Variants in TAFA4 observed in about 807,000 individuals in gnomAD.
TAFA4 encodes the protein TAFA chemokine like family member 4.
Under a neutral mutation model 21.1 loss-of-function variants are expected in TAFA4, and 20 were observed. The ratio of observed to expected loss-of-function variants is 0.95; its 90% CI spans 0.67 to 1.38. TAFA4 has a LOEUF of 1.38. TAFA4 is among the 40% of genes most tolerant of loss of function. The pLI is 0.00. For missense variants in TAFA4, 211 were observed against 180.9 expected, an observed-to-expected ratio of 1.17 and a Z score of -0.95; for synonymous variants, 71 against 67.4, an observed-to-expected ratio of 1.05 and a Z score of -0.26.
At chr3:68,822,186 T>G (rs1489618576) in intron 3 of TAFA4, among the ~76,000 whole-genome samples, 1 of 152,354 alleles carries the variant, frequency 6.6e-6, no homozygotes, top group East Asian at 1.9e-4. Context: ...GGATATAAAC[T>G]GTTATTGAGT....
intron 3 of TAFA4, among the ~76,000 whole-genome samples, chr3:68,875,125 G>C (rs2089531502): frequency 6.6e-6 from 1 of 152,068 alleles, no homozygotes; most frequent in African/African-American, 2.4e-5. Flanking sequence ...CCTTGACAGG[G>C]TGACAACTCT....
intron 3 of TAFA4, among the ~76,000 whole-genome samples, chr3:68,841,194 G>A (rs1182897735): frequency 3.2e-5 from 4 of 124,890 alleles, no homozygotes; most frequent in African/African-American, 8.6e-5. Flanking sequence ...GTAGTGGCGC[G>A]CGCCTGTAGT....
chr3:68,790,097 G>T lies in TAFA4; in HGVS notation c.131-37079C>A, dbSNP rs562529155. Reference sequence around the variant, plus strand: ...TGAAAGCAAAAATTATAACATTTTCGAATAGAGTTTTCAATGTATGTAGAT... The same window carrying T: ...TGAAAGCAAAAATTATAACATTTTCTAATAGAGTTTTCAATGTATGTAGAT... On this transcript the variant is annotated intron_variant, in intron 3 of 5. Transcript: ENST00000295569. Among the ~76,000 whole-genome samples the T allele has an allele frequency of 2.9e-3, 439 of 152,152 alleles. 1 individual carries two copies. The highest frequency in any genetic ancestry group is 0.01 in the African/African-American group (419 of 41,510).
chr3:68,742,445 A>C (rs1021439012), intron 4 of TAFA4, among the ~76,000 whole-genome samples: 1 of 144,036 alleles, frequency 6.9e-6, no homozygotes, highest in African/African-American at 2.5e-5. Context: ...GTGAAGTCAG[A>C]AACTCTAGTT....
At chr3:68,804,141 C>G (rs1430917452) in intron 3 of TAFA4, among the ~76,000 whole-genome samples, 3 of 152,116 alleles carry the variant, frequency 2.0e-5, no homozygotes, top group African/African-American at 7.2e-5. Context: ...GTGTAACCCA[C>G]TGCTCCACGA....
At chr3:68,828,280 C>A (rs1012536140) in intron 3 of TAFA4, among the ~76,000 whole-genome samples, 5 of 152,112 alleles carry the variant, frequency 3.3e-5, no homozygotes, top group African/African-American at 1.2e-4. Context: ...GTTACTGTAG[C>A]CTTGTAGTAT....
rs1702177206 is a variant in TAFA4 at position 68,733,038 on chromosome 3, T to C, written c.*104A>G. ...CTCACATATACAAATATGAAGTTGC[T>C]GAAATCCTAGACAATTTTCTGCAAA... is the stretch of plus-strand genomic sequence containing the variant. On this transcript the variant is annotated 3_prime_UTR_variant, in exon 6 of 6. Coordinates refer to ENST00000295569, the MANE Select transcript of TAFA4 (RefSeq NM_182522.5). The C allele has an allele frequency of 6.6e-7, 1 of 1,505,592 alleles. No individual in the cohort carries two copies. The highest frequency in any genetic ancestry group is 1.4e-5 in the African/African-American group (1 of 72,278). The allele number at this position is 1,505,592 out of a possible 1,614,324, so 93.3% of individuals were successfully genotyped here.
intron 4 of TAFA4, among the ~76,000 whole-genome samples, chr3:68,750,932 T>C (rs1575594790): frequency 6.6e-6 from 1 of 152,112 alleles, no homozygotes; most frequent in East Asian, 1.9e-4. Flanking sequence ...CACATCCCCA[T>C]CCACAAGCTG....
In TAFA4 at chr3:68,749,162, G is replaced by C. The variant is rs565336960; in HGVS notation, c.286+3701C>G. Among the ~76,000 whole-genome samples the C allele has an allele frequency of 1.2e-4, 19 of 152,228 alleles. No individual in the cohort carries two copies. The South Asian group carries it at 3.5e-3, about 28-fold the overall frequency. ...ACTTCAATAACTCAGGGGAGGTTTCGTAAGTTAATTATGATAAAAAAGTTT... is the reference window on the plus strand; with the variant it reads ...ACTTCAATAACTCAGGGGAGGTTTCCTAAGTTAATTATGATAAAAAAGTTT... On this transcript the variant is annotated intron_variant, in intron 4 of 5. Transcript: ENST00000295569.
chr3:68,739,126 T>G lies in TAFA4; in HGVS notation c.360A>C (p.Pro120=), dbSNP rs776037082. Residue 120 remains proline, a synonymous_variant, in exon 5 of 6, where the codon CCA becomes CCC. Transcript: ENST00000295569. ...CLEGEDCKVL[P]DYSGWSCSSG... is the part of the protein sequence containing the mutation. ...TGCTACAGGACCAACCTGAGTAATC[T>G]GGCAGCACTTTACAATCCTCTCCTT... 1.2e-6 allele frequency: 2 copies of G among 1,614,010 alleles called. No individual in the cohort carries two copies. Among genetic ancestry groups the G allele is most frequent in the Non-Finnish European group, 1.7e-6 (2 of 1,179,902 alleles).
chr3:68,837,838 T>C (rs1336737555), intron 3 of TAFA4, among the ~76,000 whole-genome samples: 2 of 152,120 alleles, frequency 1.3e-5, no homozygotes, highest in African/African-American at 4.8e-5. Flanking sequence ...TTTTTTGTTT[T>C]GGTTTGTGTT....
At position 68,761,117 on chromosome 3, in the gene TAFA4, G is replaced by A. The variant is rs78170028; in HGVS notation, c.131-8099C>T. Reference sequence around the variant, plus strand: ...CTGGAATACTAGCTTCCAGACTTAGGTAATTTGATTAAGCCTCTCAGTCTT... The same window carrying A: ...CTGGAATACTAGCTTCCAGACTTAGATAATTTGATTAAGCCTCTCAGTCTT... On this transcript the variant is annotated intron_variant, in intron 3 of 5. Transcript: ENST00000295569. Among the ~76,000 whole-genome samples the A allele has an allele frequency of 8.7e-4, 133 of 152,288 alleles. 2 individuals carry two copies. The East Asian group carries it at 0.017, about 19-fold the overall frequency.
At chr3:68,737,995 AAAC>A (rs1702274968) in intron 5 of TAFA4, among the ~76,000 whole-genome samples, 1 of 152,206 alleles carries the variant, frequency 6.6e-6, no homozygotes, top group Non-Finnish European at 1.5e-5. Flanking sequence ...GGGAAAGCAA[AAAC>A]AAAGCCAGGG....
intron 2 of TAFA4, among the ~76,000 whole-genome samples, chr3:68,881,755 T>C (rs907898583): frequency 3.3e-5 from 5 of 152,180 alleles, no homozygotes; most frequent in African/African-American, 1.2e-4. Context: ...TACACACTTA[T>C]GGGCCGACAA....
intron 3 of TAFA4, among the ~76,000 whole-genome samples, chr3:68,805,826 G>C (rs1703685299): frequency 6.6e-6 from 1 of 151,536 alleles, no homozygotes; most frequent in Admixed American, 6.6e-5. Flanking sequence ...GAGGAGAGGG[G>C]GATAGTATTA....
At chr3:68,793,233 T>G (rs1047584961) in intron 3 of TAFA4, among the ~76,000 whole-genome samples, 2 of 152,182 alleles carry the variant, frequency 1.3e-5, no homozygotes, top group Non-Finnish European at 2.9e-5. Flanking sequence ...TTCACTGGCA[T>G]GAGCCCAACA....
intron 3 of TAFA4, among the ~76,000 whole-genome samples, chr3:68,865,576 CAGTCATGTGGAACTGTG>C (rs1385112960): frequency 6.6e-6 from 1 of 152,084 alleles, no homozygotes; most frequent in South Asian, 2.1e-4. Flanking sequence ...GAGGCCTCCC[CAGTCATGTGGAACTGTG>C]AGTCGATTAA....
intron 3 of TAFA4, among the ~76,000 whole-genome samples, chr3:68,842,168 G>A (rs1282063746): frequency 2.0e-5 from 3 of 152,200 alleles, no homozygotes; most frequent in Admixed American, 6.5e-5. Flanking sequence ...CACCAACAGT[G>A]TAAAAGCCTT....
At chr3:68,867,245 G>A (rs776476492) in intron 3 of TAFA4, among the ~76,000 whole-genome samples, 16 of 151,998 alleles carry the variant, frequency 1.1e-4, no homozygotes, top group Admixed American at 3.3e-4. Context: ...ACTTCTCAAT[G>A]GAAACCACAG....
Sources: allele counts gnomAD v4.1 joint callset (sites outside exome capture counted in the v4.1 genomes callset), GRCh38; gene constraint gnomAD v4.1.1; transcripts MANE v1.5; gene names NCBI Gene and HGNC (gene_info 2026-07-23, HGNC 2026-07-21).